Variants in TTN observed in about 807,000 individuals in gnomAD.
TTN encodes the protein titin, also known as connectin.
A neutral mutation model predicts 3,223.0 loss-of-function variants in TTN; 1,525 were observed. That is an observed-to-expected ratio of 0.47 (90% CI 0.45 to 0.49). The LOEUF is 0.49. Among genes scored for constraint, TTN ranks in the 20% least tolerant of loss-of-function variants. The pLI is 0.00. For synonymous variants in TTN, 14,094 were observed against 15,161.0 expected, an observed-to-expected ratio of 0.93 and a Z score of 5.17; for missense variants, 40,786 against 43,424.0, an observed-to-expected ratio of 0.94 and a Z score of 5.40.
chr2:178,749,664 G>C, intron 47 of TTN: 2 of 1,612,814 alleles, frequency 1.2e-6, no homozygotes, highest in Non-Finnish European at 8.5e-7. Flanking sequence ...TCCACTGTTA[G>C]ATCTGAAACA....
intron 48 of TTN, 135 bp from the exon 49 acceptor site, chr2:178,738,495 C>A: frequency 1.9e-6 from 2 of 1,071,396 alleles, no homozygotes; most frequent in Non-Finnish European, 2.5e-6. Context: ...CAGTTTAAGG[C>A]AAGTGACTGG....
In TTN at chr2:178,679,589, G is replaced by A. The variant is rs761313509; in HGVS notation, c.33664+10C>T. On this transcript the variant is annotated intron_variant, in intron 141 of 362. Coordinates refer to ENST00000589042, the MANE Select transcript of TTN (RefSeq NM_001267550.2). ...GTCTCTTAGATACCCGTCAATGAAT[G>A]GTGGTGTACCTTTTGCCGGTGGAGC... is the stretch of plus-strand genomic sequence containing the variant. 6.2e-7 allele frequency: 1 copy of A among 1,607,830 alleles called. No individual in the cohort carries two copies. The highest frequency in any genetic ancestry group is 1.1e-5 in the South Asian group (1 of 89,506).
At chr2:178,762,736 C>A (rs2089531304) in intron 43 of TTN, among the ~76,000 whole-genome samples, 3 of 152,114 alleles carry the variant, frequency 2.0e-5, no homozygotes, top group Non-Finnish European at 4.4e-5. Flanking sequence ...TGAACACTAT[C>A]CCTCAAATAT....
rs765319119 is a variant in TTN, at chr2:178,589,222, T to C, written c.62503A>G (p.Lys20835Glu). 6.2e-7 allele frequency: 1 copy of C among 1,613,524 alleles called. No individual in the cohort carries two copies. Among genetic ancestry groups the C allele is most frequent in the Admixed American group, 1.7e-5 (1 of 59,986 alleles). ...DSSKFSLTKA[K>E]RSDGGKYVVT... ...ACATATTTACCCCCATCACTTCGCT[T>C]TGCTTTAGTAAGAGAAAATTTAGAT... Residue 20835 changes from lysine (K) to glutamate (E), a missense_variant, in exon 304 of 363, where the codon AAG (lysine) becomes GAG (glutamate). Physicochemically the swap from Lys to Glu is moderately conservative, Grantham distance 56. Coordinates refer to ENST00000589042, the MANE Select transcript of TTN (RefSeq NM_001267550.2).
At position 178,560,817 on chromosome 2, in the gene TTN, G is replaced by A. The variant is rs757653038; in HGVS notation, c.85315C>T (p.Arg28439Trp). The change falls in exon 326 of 363, where the codon CGG becomes TGG. Residue 28439 changes from arginine (R) to tryptophan (W), a missense_variant. Coordinates refer to ENST00000589042, the MANE Select transcript of TTN (RefSeq NM_001267550.2). ...ACTTTGCAATTAACGGCCACAGACC[G>A]AGTGCCGGCAACATTCTTCAGTGTT... ...VLTLKNVAGT[R>W]SVAVNCKVLD... 1.7e-5 allele frequency: 28 copies of A among 1,613,518 alleles called. No homozygotes were observed. Among genetic ancestry groups the A allele is most frequent in the Admixed American group, 1.5e-4 (9 of 59,972 alleles).
At chr2:178,646,945 A>G in intron 215 of TTN, 119 bp downstream of exon 215, 1 of 373,166 alleles carries the variant, frequency 2.7e-6, no homozygotes, top group Middle Eastern at 8.0e-4. Flanking sequence ...GCAGTCAAAC[A>G]TGCTAGACTG....
intron 34 of TTN, 187 bp from the exon 35 acceptor site, chr2:178,770,862 T>C: frequency 3.5e-6 from 3 of 863,730 alleles, no homozygotes; most frequent in Non-Finnish European, 5.9e-6. Flanking sequence ...CAACTGGACA[T>C]GTACATCGTG....
In TTN at chr2:178,709,853, C is replaced by T. The variant is rs189431308; in HGVS notation, c.28466G>A (p.Arg9489Gln). 2.1e-5 allele frequency: 34 copies of T among 1,609,118 alleles called. No homozygotes were observed. Among genetic ancestry groups the T allele is most frequent in the East Asian group, 1.3e-4 (6 of 44,818 alleles). The stretch of plus-strand genomic sequence containing the variant: ...TTTAGTGAAACTTGGTGGGATGAGC[C>T]GCTCTATAAGAAATTGCAAGGATAT... Reference protein sequence around the residue: ...SCTAQLNIKERLIPPSFTKRL... With the variant: ...SCTAQLNIKEQLIPPSFTKRL... The change falls in exon 99 of 363, where the codon CGG becomes CAG. Residue 9489 changes from arginine (R) to glutamine (Q), a missense_variant. Coordinates refer to ENST00000589042, the MANE Select transcript of TTN (RefSeq NM_001267550.2).
chr2:178,528,980 C>T lies in TTN; in HGVS notation c.106771G>A (p.Glu35591Lys), dbSNP rs935554305. ...GCCTGTGATGTTTTAGTGATTTCCT[C>T]ATGGACAATGGATTTTTCCAGGGAG... ...ATSLEKSIVHEEITKTSQASE... is the reference protein window; with the variant it reads ...ATSLEKSIVHKEITKTSQASE... The change falls in exon 360 of 363, where the codon GAG becomes AAG. Residue 35591 changes from glutamate (E) to lysine (K), a missense_variant. By Grantham distance (56) the Glu-to-Lys change is moderately conservative (BLOSUM62 1). Transcript: ENST00000589042. 1.2e-6 allele frequency: 2 copies of T among 1,613,856 alleles called. No homozygotes were observed. Among genetic ancestry groups the T allele is most frequent in the Non-Finnish European group, 1.7e-6 (2 of 1,179,874 alleles).
chr2:178,680,390 T>C, intron 138 of TTN, 59 bp from the exon 139 acceptor site: 1 of 1,401,492 alleles, frequency 7.1e-7, no homozygotes, highest in Admixed American at 1.9e-5. Context: ...CAGCCAATGC[T>C]TGTTTTGCTG....
At chr2:178,637,145 G>GCATA (rs2060539857) in intron 224 of TTN, among the ~76,000 whole-genome samples, 1 of 19,182 alleles carries the variant, frequency 5.2e-5, no homozygotes. Context: ...AAATATAGTT[G>GCATA]GATATATATA....
In TTN at chr2:178,689,652, TA is replaced by T. The variant is rs202103763; in HGVS notation, c.31847-58del. ...ATTTTCTAAAGTAGCTATGCACAGT[TA>T]TTTTTTTTAAGAAAGCAGACGGGTG... is the stretch of plus-strand genomic sequence containing the variant. On this transcript the variant is annotated intron_variant, in intron 122 of 362. Coordinates refer to ENST00000589042, the MANE Select transcript of TTN (RefSeq NM_001267550.2). 2.3e-3 allele frequency: 3,569 copies of T among 1,519,250 alleles called. 52 individuals are homozygous for T. The South Asian group carries it at 0.03, about 13-fold the overall frequency. The allele number at this position is 1,519,250 out of a possible 1,614,324, so 94.1% of individuals were successfully genotyped here.
At chr2:178,736,159 G>A (rs1222423862) in intron 49 of TTN, 85 bp from the exon 50 acceptor site, 2 of 1,251,268 alleles carry the variant, frequency 1.6e-6, no homozygotes, top group African/African-American at 3.0e-5. Flanking sequence ...GAGAAAAGAT[G>A]AGTTAAGTCT....
At position 178,756,321 on chromosome 2, in the gene TTN, T is replaced by C. The variant is rs758911977; in HGVS notation, c.11155A>G (p.Ile3719Val). ...TGGTCTACCAGCTGAACATTACATA[T>C]GGTAAGAAACTGAATATTTCCATTT... ...SQNGNIQFLT[I>V]CNVQLVDQGL... Residue 3719 changes from isoleucine (I) to valine (V), a missense_variant, in exon 46 of 363, where the codon ATA (isoleucine) becomes GTA (valine). Transcript: ENST00000589042. 1.9e-6 allele frequency: 3 copies of C among 1,613,798 alleles called. No homozygotes were observed. The African/African-American group carries it at 4.0e-5, about 22-fold the overall frequency.
Position 178,559,613 on chromosome 2 carries a change from A to G in TTN, c.86519T>C (p.Val28840Ala), listed in dbSNP as rs920125248. The G allele has an allele frequency of 1.1e-5, 17 of 1,613,714 alleles. No homozygotes were observed. The highest frequency in any genetic ancestry group is 1.4e-5 in the Non-Finnish European group (17 of 1,179,786). The change falls in exon 326 of 363, where the codon GTC (valine) becomes GCC (alanine). Residue 28840 changes from valine (V) to alanine (A), a missense_variant. Coordinates refer to ENST00000589042, the MANE Select transcript of TTN (RefSeq NM_001267550.2). ...VLSAASLTLV[V>A]KVLDTPGPPT... ...AGGACCTGGGGTATCTAAAACTTTGACAACTAAGGTCAGTGAAGCAGCACT... is the reference window on the plus strand; with the variant it reads ...AGGACCTGGGGTATCTAAAACTTTGGCAACTAAGGTCAGTGAAGCAGCACT...
chr2:178,638,263 A>G (rs1253164781), intron 223 of TTN, among the ~76,000 whole-genome samples: 3 of 151,516 alleles, frequency 2.0e-5, no homozygotes, highest in African/African-American at 7.2e-5. Flanking sequence ...ATGTCATTAA[A>G]CATGGTAATG....
Position 178,591,775 on chromosome 2 carries a change from T to A in TTN, c.60044A>T (p.Glu20015Val), listed in dbSNP as rs2050261843. The A allele has an allele frequency of 1.9e-6, 3 of 1,613,304 alleles. No individual in the cohort carries two copies. The African/African-American group carries it at 4.0e-5, about 22-fold the overall frequency. ...GGSPITGYLV[E>V]YQEEGTQDWI... The stretch of plus-strand genomic sequence containing the variant: ...GTCCTGGGTGCCTTCTTCTTGATAT[T>A]CTACCAAATATCCAGTGATTGGAGA... The change falls in exon 303 of 363, where the codon GAA becomes GTA. Residue 20015 changes from glutamate (E) to valine (V), a missense_variant. Physicochemically the swap from Glu to Val is moderately radical, Grantham distance 121. Coordinates refer to ENST00000589042, the MANE Select transcript of TTN (RefSeq NM_001267550.2).
At position 178,590,520 on chromosome 2, in the gene TTN, G is replaced by T; in HGVS notation, c.61205C>A (p.Pro20402His). 6.2e-7 allele frequency: 1 copy of T among 1,612,912 alleles called. No homozygotes were observed. Among genetic ancestry groups the T allele is most frequent in the Non-Finnish European group, 8.5e-7 (1 of 1,179,328 alleles). Residue 20402 changes from proline to histidine, a missense_variant, in exon 304 of 363, where the codon CCC becomes CAC. Physicochemically the swap from Pro to His is moderately conservative, Grantham distance 77. Coordinates refer to ENST00000589042, the MANE Select transcript of TTN (RefSeq NM_001267550.2). ...ACATTCCACTACATATCCTAGAATGGGGCTACCACCATCACTGAGAGGCTT... is the reference window on the plus strand; with the variant it reads ...ACATTCCACTACATATCCTAGAATGTGGCTACCACCATCACTGAGAGGCTT... ...WTKPLSDGGSPILGYVVECQK... is the reference protein window; with the variant it reads ...WTKPLSDGGSHILGYVVECQK...
chr2:178,578,926 T>C lies in TTN; in HGVS notation c.68104A>G (p.Thr22702Ala). ...VTCASAVQKT[T>A]FRVTRLHEGM... is the part of the protein sequence containing the mutation. ...TCATGAAGTCTGGTTACTCTAAAGGTGGTTTTCTGGACAGCTGAGGCGCAC... is the reference window on the plus strand; with the variant it reads ...TCATGAAGTCTGGTTACTCTAAAGGCGGTTTTCTGGACAGCTGAGGCGCAC... Residue 22702 changes from threonine (T) to alanine (A), a missense_variant, in exon 320 of 363, where the codon ACC (threonine) becomes GCC (alanine). By Grantham distance (58) the Thr-to-Ala change is moderately conservative. Coordinates refer to ENST00000589042, the MANE Select transcript of TTN (RefSeq NM_001267550.2). 6.2e-7 allele frequency: 1 copy of C among 1,613,278 alleles called. No homozygotes were observed. Among genetic ancestry groups the C allele is most frequent in the Non-Finnish European group, 8.5e-7 (1 of 1,179,496 alleles).
Sources: allele counts gnomAD v4.1 joint callset (sites outside exome capture counted in the v4.1 genomes callset), GRCh38; gene constraint gnomAD v4.1.1; transcripts MANE v1.5; gene names NCBI Gene and HGNC (gene_info 2026-07-23, HGNC 2026-07-21).